The following ZRANB1 variants were observed in gnomAD, a reference collection of about 807,000 sequenced individuals.
ZRANB1 encodes the protein ubiquitin thioesterase ZRANB1.
Under a neutral mutation model 80.5 loss-of-function variants are expected in ZRANB1, and 16 were observed. The ratio of observed to expected loss-of-function variants is 0.20; its 90% confidence interval spans 0.13 to 0.30. The LOEUF is 0.30. ZRANB1 is among the 10% of genes least tolerant of loss of function. ZRANB1 has a pLI of 1.00. For missense variants in ZRANB1, 576 were observed against 862.6 expected, an observed-to-expected ratio of 0.67 and a Z score of 4.16; for synonymous variants, 291 against 293.1, an observed-to-expected ratio of 0.99 and a Z score of 0.07.
At chr10:124,924,388 A>G in the ZRANB1 span, among the ~76,000 whole-genome samples, 1 of 151,968 alleles carries the variant, frequency 6.6e-6, no homozygotes, top group Non-Finnish European at 1.5e-5. Context: ...TTTTTAGTAT[A>G]CTTAACAGAG....
At chr10:124,980,123 G>A (rs1274878324) in intron 5 of ZRANB1, among the ~76,000 whole-genome samples, 7 of 152,308 alleles carry the variant, frequency 4.6e-5, no homozygotes, top group African/African-American at 1.4e-4. Flanking sequence ...TGGGGTGATG[G>A]TGGTATTGCC....
chr10:124,965,105 C>T (rs1023912249), intron 1 of ZRANB1, among the ~76,000 whole-genome samples: 5 of 151,912 alleles, frequency 3.3e-5, no homozygotes, highest in Non-Finnish European at 7.4e-5. Context: ...TAGCCTTTAT[C>T]TCATGCCATC....
intron 1 of ZRANB1, among the ~76,000 whole-genome samples, chr10:124,960,947 A>G (rs17152411): frequency 0.16 from 23,925 of 151,894 alleles, 1,937 homozygotes; most frequent in East Asian, 0.21. Flanking sequence ...TTTGGCATAC[A>G]CTATTTTATG....
the ZRANB1 span, among the ~76,000 whole-genome samples, chr10:124,928,187 G>T: frequency 6.6e-6 from 1 of 152,206 alleles, no homozygotes; most frequent in African/African-American, 2.4e-5. Context: ...GTAAGAAGGG[G>T]AATAGGAGTA....
intron 1 of ZRANB1, among the ~76,000 whole-genome samples, chr10:124,949,891 G>A (rs1041571065): frequency 2.0e-5 from 3 of 152,080 alleles, no homozygotes; most frequent in Non-Finnish European, 2.9e-5. Flanking sequence ...AATGCCTCCC[G>A]GTGCTCTGAA....
chr10:124,960,382 G>A (rs958690080), intron 1 of ZRANB1, among the ~76,000 whole-genome samples: 4 of 152,118 alleles, frequency 2.6e-5, no homozygotes, highest in African/African-American at 9.7e-5. Flanking sequence ...ACAGTATAAA[G>A]TTATAATAAA....
At chr10:124,944,378 C>T (rs1162844400) in intron 1 of ZRANB1, among the ~76,000 whole-genome samples, 1 of 152,126 alleles carries the variant, frequency 6.6e-6, no homozygotes, top group Non-Finnish European at 1.5e-5. Context: ...ATTTATCCCT[C>T]TGGGTACAGC....
chr10:124,940,469 CTT>C, upstream of ZRANB1: 2 of 1,282,286 alleles, frequency 1.6e-6, no homozygotes, highest in Non-Finnish European at 2.0e-6. Flanking sequence ...GGAATCTTGT[CTT>C]TGATCTGATT....
the ZRANB1 span, among the ~76,000 whole-genome samples, chr10:124,923,101 A>G: frequency 4.6e-5 from 7 of 152,194 alleles, no homozygotes; most frequent in South Asian, 1.5e-3. Flanking sequence ...ATCCTGGCCA[A>G]CATGGTGAAA....
At chr10:124,922,311 ATATGTAAAATATATGTATATATATATTTT>A in the ZRANB1 span, among the ~76,000 whole-genome samples, 37 of 21,574 alleles carry the variant, frequency 1.7e-3, 1 homozygote, top group East Asian at 0.079. Flanking sequence ...ATATATATAT[ATATGTAAAATATATGTATATATATATTTT>A]TTTTTTAATA....
chr10:124,964,587 G>C (rs1160032770), intron 1 of ZRANB1, among the ~76,000 whole-genome samples: 1 of 152,158 alleles, frequency 6.6e-6, no homozygotes, highest in East Asian at 1.9e-4. Flanking sequence ...CTACATACAT[G>C]CATACACGTA....
In ZRANB1 at chr10:124,985,222, AAGAC is replaced by A; in HGVS notation, c.*234_*237del. 1 of 443,662 alleles carries A rather than the reference AAGAC, an allele frequency of 2.3e-6. No individual in the cohort carries two copies. The highest frequency in any genetic ancestry group is 4.0e-6 in the Non-Finnish European group (1 of 250,902). The allele number at this position is 443,662 out of a possible 1,614,324, so 27.5% of individuals were successfully genotyped here. On this transcript the variant is annotated 3_prime_UTR_variant, in exon 9 of 9. Coordinates refer to ENST00000359653, the MANE Select transcript of ZRANB1 (RefSeq NM_017580.3). ...GTTTGTAAAAAAAACTAATTTTATT[AAGAC>A]AGAACTTTTTTTCCTTCCAAATTGT...
At chr10:124,951,369 A>G (rs76398605) in intron 1 of ZRANB1, among the ~76,000 whole-genome samples, 12,384 of 152,272 alleles carry the variant, frequency 0.081, 692 homozygotes, top group Admixed American at 0.16. Context: ...GAGAGATTAT[A>G]TTCCTTTGAA....
the ZRANB1 span, among the ~76,000 whole-genome samples, chr10:124,928,736 A>T: frequency 6.6e-6 from 1 of 152,362 alleles, no homozygotes; most frequent in East Asian, 1.9e-4. Context: ...GGAGAGACAA[A>T]TGAAGAAAGA....
chr10:124,970,172 G>T (rs921088544), intron 2 of ZRANB1, among the ~76,000 whole-genome samples: 1 of 152,206 alleles, frequency 6.6e-6, no homozygotes, highest in African/African-American at 2.4e-5. Flanking sequence ...TGGGCTCATG[G>T]AGTTAAGATA....
chr10:124,977,068 A>G (rs1951882318), intron 5 of ZRANB1, among the ~76,000 whole-genome samples: 1 of 152,040 alleles, frequency 6.6e-6, no homozygotes, highest in Non-Finnish European at 1.5e-5. Context: ...TCTTGGGCTC[A>G]GGTGATCCTC....
the ZRANB1 span, chr10:124,917,357 CTGTCCGCCCGCCCGGCGCCCCA>C: frequency 6.6e-6 from 1 of 150,724 alleles, no homozygotes; most frequent in Non-Finnish European, 1.5e-5. Flanking sequence ...GCCTCACGGG[CTGTCCGCCCGCCCGGCGCCCCA>C]GGGGCGACCG....
intron 2 of ZRANB1, 67 bp downstream of exon 2, chr10:124,966,848 T>A (rs2134282496): frequency 7.0e-7 from 1 of 1,424,832 alleles, no homozygotes; most frequent in African/African-American, 1.4e-5. Flanking sequence ...TTTTCATTTT[T>A]GATTTTATAA....
Position 124,983,390 on chromosome 10 carries a change from G to GA in ZRANB1, c.1679-67dup. ...GAAGGAGCAGTGGACAGGGGAATGT[G>GA]AACAAGGGCAGTGAGGGAGTGGCTC... On this transcript the variant is annotated intron_variant, in intron 7 of 8. Transcript: ENST00000359653. This position sits in a 1 kb window ranked among gnomAD's most constrained non-coding sequence, Gnocchi z 6.2. 2.5e-6 allele frequency: 4 copies of GA among 1,592,634 alleles called. No individual in the cohort carries two copies. Among genetic ancestry groups the GA allele is most frequent in the South Asian group, 1.1e-5 (1 of 88,056 alleles).
Sources: allele counts gnomAD v4.1 joint callset (sites outside exome capture counted in the v4.1 genomes callset), GRCh38; gene constraint gnomAD v4.1.1; non-coding constraint Gnocchi (gnomAD v3.1); transcripts MANE v1.5; gene names NCBI Gene and HGNC (gene_info 2026-07-23, HGNC 2026-07-21).